ZNF536: variants seen among roughly 807,000 people sequenced by gnomAD.
ZNF536 encodes the protein zinc finger protein 536.
A neutral mutation model predicts 84.5 loss-of-function variants in ZNF536; 13 were observed. The observed-to-expected ratio is 0.15, with a 90% CI of 0.10 to 0.24. The LOEUF (loss-of-function observed/expected upper bound fraction) is 0.24. Ranked by LOEUF, ZNF536 falls within the 10% of genes least tolerant of loss-of-function variation. ZNF536 has a pLI of 1.00. For missense variants in ZNF536, 1,536 were observed against 1,747.5 expected, an observed-to-expected ratio of 0.88 and a Z score of 2.16; for synonymous variants, 811 against 742.5, an observed-to-expected ratio of 1.09 and a Z score of -1.50.
chr19:30,603,218 C>T (rs2047753920), intron 1 of ZNF536, among the ~76,000 whole-genome samples: 2 of 152,144 alleles, frequency 1.3e-5, no homozygotes, highest in South Asian at 4.1e-4. Context: ...CCCCGAATCC[C>T]CCAGGTCTGG....
At chr19:30,264,972 A>AGAGG (rs2025433869) in intron 1 of ZNF536, among the ~76,000 whole-genome samples, 3 of 137,226 alleles carry the variant, frequency 2.2e-5, no homozygotes, top group African/African-American at 8.0e-5. Flanking sequence ...TGTGTGAGAG[A>AGAGG]GAGAGAGAGA....
At chr19:30,639,348 T>G (rs2049182502) in intron 1 of ZNF536, among the ~76,000 whole-genome samples, 1 of 152,254 alleles carries the variant, frequency 6.6e-6, no homozygotes, top group African/African-American at 2.4e-5. Flanking sequence ...TATTATCATT[T>G]GAGCAGGTAA....
At chr19:30,436,967 C>T (rs1388253538) in intron 1 of ZNF536, among the ~76,000 whole-genome samples, 5 of 151,960 alleles carry the variant, frequency 3.3e-5, no homozygotes, top group South Asian at 2.1e-4. Flanking sequence ...TCACCCACGT[C>T]GATGAAAAAG....
intron 2 of ZNF536, among the ~76,000 whole-genome samples, chr19:30,491,721 G>C (rs1711749949): frequency 6.6e-6 from 1 of 152,136 alleles, no homozygotes; most frequent in African/African-American, 2.4e-5. Context: ...TCAGCCTCCT[G>C]TGTCCCCCAA....
intron 2 of ZNF536, among the ~76,000 whole-genome samples, chr19:30,531,127 A>C (rs1282714224): frequency 6.6e-6 from 1 of 150,914 alleles, no homozygotes; most frequent in Non-Finnish European, 1.5e-5. Context: ...CTGGCCCTCC[A>C]AAAAAAATCC....
chr19:30,246,566 C>T (rs1197941194), intron 1 of ZNF536, among the ~76,000 whole-genome samples: 2 of 152,196 alleles, frequency 1.3e-5, no homozygotes, highest in South Asian at 2.1e-4. Flanking sequence ...TTGCCAGCTA[C>T]ACACTGCCCC....
In ZNF536 at chr19:30,297,907, C is replaced by CCA. The variant is rs1890414169; in HGVS notation, c.-120+13767_-120+13768insAC. Among the ~76,000 whole-genome samples the CCA allele has an allele frequency of 2.7e-5, 4 of 149,510 alleles. No homozygotes were observed. In the Admixed American group the frequency reaches 2.7e-4, roughly 10 times the overall value. ...TTTTTTTTTCTCAAGACGGAGTCCC[C>CCA]CCCCCCTCTGTCGCCCAGGCTGGAG... On this transcript the variant is annotated intron_variant, in intron 2 of 5. Transcript: ENST00000585628.
intron 2 of ZNF536, among the ~76,000 whole-genome samples, chr19:30,497,620 G>A (rs2054776391): frequency 6.6e-6 from 1 of 152,212 alleles, no homozygotes; most frequent in Non-Finnish European, 1.5e-5. Flanking sequence ...CACCTGAGTG[G>A]CCCAAAAGGA....
chr19:30,569,297 AG>A (rs1158193682), intron 1 of ZNF536, among the ~76,000 whole-genome samples: 3 of 152,102 alleles, frequency 2.0e-5, no homozygotes, highest in African/African-American at 2.4e-5. Flanking sequence ...TCCTAGCTAG[AG>A]GAAAGTCTGG....
At chr19:30,617,391 C>T (rs1600036469) in intron 1 of ZNF536, among the ~76,000 whole-genome samples, 1 of 116,798 alleles carries the variant, frequency 8.6e-6, no homozygotes, top group African/African-American at 3.1e-5. Context: ...GACTCTGTCA[C>T]CCAGGCTGGA....
At chr19:30,324,495 A>G (rs1339696993) in intron 2 of ZNF536, among the ~76,000 whole-genome samples, 1 of 152,094 alleles carries the variant, frequency 6.6e-6, no homozygotes, top group Non-Finnish European at 1.5e-5. Flanking sequence ...CAGTCCTCCC[A>G]CTTCAGCTTC....
intron 2 of ZNF536, among the ~76,000 whole-genome samples, chr19:30,446,772 A>G (rs944552652): frequency 2.6e-5 from 4 of 151,858 alleles, no homozygotes; most frequent in African/African-American, 4.9e-5. Flanking sequence ...AATGTCTGTG[A>G]AATTATGAAG....
intron 2 of ZNF536, among the ~76,000 whole-genome samples, chr19:30,530,932 G>A (rs2044785246): frequency 1.3e-5 from 2 of 152,158 alleles, no homozygotes; most frequent in Non-Finnish European, 2.9e-5. Context: ...CACCCATCCT[G>A]GCACAGGCTG....
In ZNF536 at chr19:30,384,124, CTT is replaced by C. The variant is rs1555738428; in HGVS notation, c.-3+11570_-3+11571del. On this transcript the variant is annotated intron_variant, in intron 1 of 4. Transcript: ENST00000355537. ...TCTTTCTTTCTTTCTTTCTTTCTTTCTTTCTTTCTTTCTTTCTTTCTTTCTTT... is the reference window on the plus strand; with the variant it reads ...TCTTTCTTTCTTTCTTTCTTTCTTTCTCTTTCTTTCTTTCTTTCTTTCTTT... Among the ~76,000 whole-genome samples, 98 of 68,306 alleles carry C rather than the reference CTT, an allele frequency of 1.4e-3. 2 individuals are homozygous for C. Among genetic ancestry groups the C allele is most frequent in the African/African-American group, 5.5e-3 (91 of 16,562 alleles). 44.8% of individuals were successfully genotyped at this position (68,306 alleles called of 152,430 possible).
intron 2 of ZNF536, among the ~76,000 whole-genome samples, chr19:30,307,748 A>G (rs2046383424): frequency 6.6e-6 from 1 of 152,172 alleles, no homozygotes; most frequent in South Asian, 2.1e-4. Flanking sequence ...AACCGGCGAC[A>G]ATGATTTAGT....
intron 1 of ZNF536, among the ~76,000 whole-genome samples, chr19:30,416,311 G>A (rs1317976521): frequency 2.2e-5 from 2 of 91,622 alleles, no homozygotes; most frequent in African/African-American, 9.0e-5. Context: ...TTTTTTTTTT[G>A]GTACATCTTG....
chr19:30,588,487 G>A (rs1350406524), intron 1 of ZNF536, among the ~76,000 whole-genome samples: 1 of 152,180 alleles, frequency 6.6e-6, no homozygotes, highest in African/African-American at 2.4e-5. Flanking sequence ...AGCACATGAG[G>A]TGGCAGTTTC....
Position 30,549,973 on chromosome 19 carries a change from A to G in ZNF536, c.3895+459A>G, listed in dbSNP as rs915228228. Among the ~76,000 whole-genome samples, 5 of 152,370 alleles carry G rather than the reference A, an allele frequency of 3.3e-5. No homozygotes were observed. In the East Asian group the frequency reaches 9.6e-4, roughly 29 times the overall value. ...TCTTAAACTTTTCTTTTATTGACTT[A>G]GAGGATACTAAAATCATATCACACT... On this transcript the variant is annotated intron_variant, in intron 4 of 4. Transcript: ENST00000355537.
At chr19:30,652,303 T>C (rs1010500656) in intron 1 of ZNF536, among the ~76,000 whole-genome samples, 6 of 152,216 alleles carry the variant, frequency 3.9e-5, no homozygotes, top group Non-Finnish European at 5.9e-5. Flanking sequence ...AATACTGTTT[T>C]AATATTTTTC....
Sources: allele counts gnomAD v4.1 joint callset (sites outside exome capture counted in the v4.1 genomes callset), GRCh38; gene constraint gnomAD v4.1.1; transcripts MANE v1.5; gene names NCBI Gene and HGNC (gene_info 2026-07-23, HGNC 2026-07-21).